CENPW: variants seen among roughly 807,000 people sequenced by gnomAD.
CENPW encodes cancer-up-regulated gene 2 protein.
In CENPW, 3 loss-of-function variants were observed where a neutral mutation model predicts 11.1. The ratio of observed to expected loss-of-function variants is 0.27; its 90% CI spans 0.12 to 0.70. The LOEUF is 0.70. Ranked by LOEUF, CENPW falls within the 30% of genes least tolerant of loss-of-function variation. The probability of loss-of-function intolerance (pLI) is 0.77; values close to 1 mark genes in which losing one functional copy is unlikely to be tolerated. For synonymous variants in CENPW, 38 were observed against 42.0 expected (o/e 0.91, Z 0.37); for missense variants, 100 against 105.6 (o/e 0.95, Z 0.23).
At chr6:126,475,078 C>CT in the CENPW span, among the ~76,000 whole-genome samples, 1 of 152,080 alleles carries the variant, frequency 6.6e-6, no homozygotes, top group Admixed American at 6.6e-5. Context: ...ATTAAATATT[C>CT]TGAATTTAAA....
chr6:126,378,563 G>A, the CENPW span, among the ~76,000 whole-genome samples: 1 of 151,886 alleles, frequency 6.6e-6, no homozygotes. Context: ...ATGTAAAGCT[G>A]TGATGGTAAG....
At chr6:126,408,032 C>T in the CENPW span, among the ~76,000 whole-genome samples, 3 of 152,028 alleles carry the variant, frequency 2.0e-5, no homozygotes, top group Non-Finnish European at 2.9e-5. Context: ...TGGTATTTGC[C>T]TAGATTTTCT....
chr6:126,392,581 C>CA, the CENPW span, among the ~76,000 whole-genome samples: 1 of 151,876 alleles, frequency 6.6e-6, no homozygotes, highest in Non-Finnish European at 1.5e-5. Flanking sequence ...TTTAGTCCTT[C>CA]ATTTTGTTAG....
chr6:126,457,930 T>C, the CENPW span, among the ~76,000 whole-genome samples: 1 of 151,328 alleles, frequency 6.6e-6, no homozygotes, highest in African/African-American at 2.4e-5. Flanking sequence ...CATCCAATAA[T>C]CTAAACTTCA....
At chr6:126,474,394 A>G in the CENPW span, among the ~76,000 whole-genome samples, 2 of 152,254 alleles carry the variant, frequency 1.3e-5, no homozygotes, top group South Asian at 2.1e-4. Flanking sequence ...AGAAATTTAG[A>G]GAGGGCTTGA....
At chr6:126,365,132 A>G in the CENPW span, among the ~76,000 whole-genome samples, 2 of 152,188 alleles carry the variant, frequency 1.3e-5, no homozygotes, top group Non-Finnish European at 2.9e-5. Flanking sequence ...GAAGTAGACT[A>G]TGGGGATGGA....
the CENPW span, among the ~76,000 whole-genome samples, chr6:126,361,703 ACT>A: frequency 1.3e-5 from 2 of 151,210 alleles, no homozygotes; most frequent in African/African-American, 4.9e-5. Flanking sequence ...CACTAGCACC[ACT>A]CTCATTTTTC....
the CENPW span, among the ~76,000 whole-genome samples, chr6:126,442,888 C>T: frequency 6.7e-4 from 101 of 151,232 alleles, no homozygotes; most frequent in African/African-American, 1.7e-3. Flanking sequence ...GACTAGACCT[C>T]GTTTGACATA....
At chr6:126,412,311 T>A in the CENPW span, among the ~76,000 whole-genome samples, 2 of 151,722 alleles carry the variant, frequency 1.3e-5, no homozygotes, top group Non-Finnish European at 2.9e-5. Context: ...TGAAACATAC[T>A]TTTGTTGTAT....
the CENPW span, among the ~76,000 whole-genome samples, chr6:126,402,408 A>G: frequency 6.6e-6 from 1 of 151,598 alleles, no homozygotes; most frequent in African/African-American, 2.4e-5. Context: ...ATAACATCCA[A>G]TTTTCACATT....
chr6:126,428,507 CTT>C, the CENPW span, among the ~76,000 whole-genome samples: 3 of 152,044 alleles, frequency 2.0e-5, no homozygotes, highest in African/African-American at 7.2e-5. Flanking sequence ...TGGAGGGTAA[CTT>C]TGCATAAAAG....
the CENPW span, among the ~76,000 whole-genome samples, chr6:126,418,824 C>T: frequency 5.4e-3 from 815 of 150,880 alleles, 9 homozygotes; most frequent in African/African-American, 0.018. Flanking sequence ...AGCAAACTAT[C>T]GCAAGGACAA....
chr6:126,417,573 GCTGTT>G, the CENPW span, among the ~76,000 whole-genome samples: 1 of 152,106 alleles, frequency 6.6e-6, no homozygotes, highest in Non-Finnish European at 1.5e-5. Context: ...TCTTTCCTGT[GCTGTT>G]CTTATGATAG....
chr6:126,472,481 GTATCAATA>G, the CENPW span, among the ~76,000 whole-genome samples: 1 of 152,198 alleles, frequency 6.6e-6, no homozygotes, highest in African/African-American at 2.4e-5. Flanking sequence ...GCTGGTGCAT[GTATCAATA>G]GTTCATTCCT....
At chr6:126,403,971 T>G in the CENPW span, among the ~76,000 whole-genome samples, 9 of 152,050 alleles carry the variant, frequency 5.9e-5, no homozygotes, top group Non-Finnish European at 7.4e-5. Context: ...GATTTTAAAT[T>G]GAATCCAAGC....
At chr6:126,423,741 T>G in the CENPW span, among the ~76,000 whole-genome samples, 2 of 152,052 alleles carry the variant, frequency 1.3e-5, no homozygotes, top group African/African-American at 2.4e-5. Context: ...AAAATGTATT[T>G]GGGGTATTTT....
chr6:126,446,593 A>C, the CENPW span, among the ~76,000 whole-genome samples: 4 of 151,036 alleles, frequency 2.6e-5, no homozygotes, highest in African/African-American at 9.7e-5. Flanking sequence ...AAATGTTGTA[A>C]ATATGCCCAG....
chr6:126,449,642 G>A, the CENPW span, among the ~76,000 whole-genome samples: 2 of 151,020 alleles, frequency 1.3e-5, no homozygotes, highest in African/African-American at 4.8e-5. Context: ...GGTGAAACTA[G>A]TAAATAGCTT....
At chr6:126,417,892 T>C in the CENPW span, among the ~76,000 whole-genome samples, 1 of 152,214 alleles carries the variant, frequency 6.6e-6, no homozygotes, top group South Asian at 2.1e-4. Context: ...GTATCCAGAA[T>C]ATATACATAA....
Sources: allele counts gnomAD v4.1 joint callset (sites outside exome capture counted in the v4.1 genomes callset), GRCh38; gene constraint gnomAD v4.1.1; transcripts MANE v1.5; gene names NCBI Gene and HGNC (gene_info 2026-07-23, HGNC 2026-07-21).